The following MCPH1 variants were observed in gnomAD, a reference collection of about 807,000 sequenced individuals.
MCPH1 encodes microcephalin 1.
A neutral mutation model predicts 84.5 loss-of-function variants in MCPH1; 104 were observed. The observed-to-expected ratio is 1.23, with a 90% CI of 1.05 to 1.45. The LOEUF (loss-of-function observed/expected upper bound fraction) is 1.45, where lower values mean the gene tolerates loss of function less well. MCPH1 is among the 40% of genes most tolerant of loss of function. MCPH1 has a pLI of 0.00. For missense variants in MCPH1, 1,498 were observed against 1,005.7 expected (o/e 1.49, Z -6.62); for synonymous variants, 514 against 366.8 (o/e 1.40, Z -4.58).
chr8:6,510,571 C>A (rs2442634), intron 12 of MCPH1, among the ~76,000 whole-genome samples: 1 of 152,018 alleles, frequency 6.6e-6, no homozygotes, highest in African/African-American at 2.4e-5. Flanking sequence ...TTATAACCAC[C>A]TGCAGTGGTG....
At chr8:6,614,598 C>T (rs1175247075) in intron 12 of MCPH1, among the ~76,000 whole-genome samples, 4 of 152,214 alleles carry the variant, frequency 2.6e-5, no homozygotes, top group Non-Finnish European at 5.9e-5. Context: ...GCCTAACGCC[C>T]AATCTGCAGC....
rs141429731 is a variant in MCPH1 at position 6,438,325 on chromosome 8, T to C, written c.437-628T>C. ...AACTACAGTAAGGGTGATTCAGGCTTAAGAGTCCCAAAGGAGAATATATTA... is the reference window on the plus strand; with the variant it reads ...AACTACAGTAAGGGTGATTCAGGCTCAAGAGTCCCAAAGGAGAATATATTA... On this transcript the variant is annotated intron_variant, in intron 5 of 13. Transcript: ENST00000344683. 1.1e-4 allele frequency among the ~76,000 whole-genome samples: 16 copies of C among 152,340 alleles called. No individual in the cohort carries two copies. In the East Asian group the frequency reaches 2.7e-3, roughly 26 times the overall value.
rs34427383 is a variant in MCPH1 at position 6,624,874 on chromosome 8, C to CTT, written c.2452+3198_2452+3199dup. 3.6e-3 allele frequency: 3,085 copies of CTT among 861,424 alleles called. 1 individual carries two copies. The highest frequency in any genetic ancestry group is 5.7e-3 in the African/African-American group (303 of 53,112). The allele number at this position is 861,424 out of a possible 1,614,324, so 53.4% of individuals were successfully genotyped here. A position where few individuals can be genotyped will look rare whatever the true frequency, so the allele number is the denominator to read the frequency against. On this transcript the variant is annotated intron_variant, in intron 13 of 13. Coordinates refer to ENST00000344683, the MANE Select transcript of MCPH1 (RefSeq NM_024596.5). Reference sequence around the variant, plus strand: ...TCTCTAACCAGAAACAAATCATATACTTTTTTTTTTTTTTTTCTGAGATGG... The same window carrying CTT: ...TCTCTAACCAGAAACAAATCATATACTTTTTTTTTTTTTTTTTTCTGAGATGG...
At chr8:6,543,972 AAT>A (rs1456607943) in intron 12 of MCPH1, among the ~76,000 whole-genome samples, 1 of 152,232 alleles carries the variant, frequency 6.6e-6, no homozygotes, top group Non-Finnish European at 1.5e-5. Context: ...TTAAAGTTGC[AAT>A]ATATTTTAAG....
chr8:6,545,564 A>G (rs1240857358), intron 12 of MCPH1, among the ~76,000 whole-genome samples: 1 of 152,234 alleles, frequency 6.6e-6, no homozygotes, highest in Non-Finnish European at 1.5e-5. Flanking sequence ...CATTCCAGCC[A>G]TCTGATGAGG....
intron 12 of MCPH1, among the ~76,000 whole-genome samples, chr8:6,601,715 A>ATG (rs1216815237): frequency 7.3e-6 from 1 of 137,530 alleles, no homozygotes; most frequent in African/African-American, 3.5e-5. Context: ...CACACACCAC[A>ATG]CACACACACC....
chr8:6,600,991 G>T (rs1253031037), intron 12 of MCPH1, among the ~76,000 whole-genome samples: 1 of 152,190 alleles, frequency 6.6e-6, no homozygotes, highest in Non-Finnish European at 1.5e-5. Flanking sequence ...CCATTACGGG[G>T]TCACCAAGGG....
chr8:6,466,152 T>C (rs1376079795), intron 9 of MCPH1, among the ~76,000 whole-genome samples: 5 of 76,076 alleles, frequency 6.6e-5, no homozygotes, highest in Middle Eastern at 0.011. Flanking sequence ...TTTTTTTTTT[T>C]CCTGAGACAG....
chr8:6,478,055 C>G (rs1241617963), intron 10 of MCPH1, among the ~76,000 whole-genome samples: 2 of 152,230 alleles, frequency 1.3e-5, no homozygotes, highest in African/African-American at 2.4e-5. Context: ...CTCTTATCAT[C>G]TCCCTTAAAC....
chr8:6,496,464 C>T (rs991654072), intron 11 of MCPH1, among the ~76,000 whole-genome samples: 2 of 152,128 alleles, frequency 1.3e-5, no homozygotes, highest in Non-Finnish European at 1.5e-5. Flanking sequence ...CTGTTTTACA[C>T]GATGTGGAGT....
chr8:6,437,791 C>G (rs1802890891), intron 5 of MCPH1, among the ~76,000 whole-genome samples: 1 of 152,152 alleles, frequency 6.6e-6, no homozygotes, highest in African/African-American at 2.4e-5. Context: ...CATGGCCCTG[C>G]TTCTGAAATA....
intron 12 of MCPH1, among the ~76,000 whole-genome samples, chr8:6,523,059 G>A (rs1486371202): frequency 6.6e-6 from 1 of 151,822 alleles, no homozygotes; most frequent in Non-Finnish European, 1.5e-5. Context: ...GTGCAAGGGT[G>A]CCATCTTGGC....
Position 6,542,179 on chromosome 8 carries a change from AAAT to A in MCPH1, c.2214+42260_2214+42262del, listed in dbSNP as rs1340565593. Among the ~76,000 whole-genome samples, 12 of 152,138 alleles carry A rather than the reference AAAT, an allele frequency of 7.9e-5. No homozygotes were observed. In the South Asian group the frequency reaches 1.2e-3, roughly 16 times the overall value. On this transcript the variant is annotated intron_variant, in intron 12 of 13. Coordinates refer to ENST00000344683, the MANE Select transcript of MCPH1 (RefSeq NM_024596.5). ...TGAATTTAAGGCACACTGAAAGAAA[AAAT>A]AATAATAATGTAACAAAATGTCTCA...
chr8:6,477,892 A>C (rs767365250), intron 10 of MCPH1, among the ~76,000 whole-genome samples: 45 of 152,220 alleles, frequency 3.0e-4, no homozygotes, highest in Admixed American at 3.3e-4. Context: ...CTTGATACCA[A>C]ATAGCTTCAT....
intron 12 of MCPH1, among the ~76,000 whole-genome samples, chr8:6,582,617 C>T (rs2442586): frequency 0.99 from 150,067 of 152,304 alleles, 73,963 homozygotes; most frequent in Middle Eastern, 1. Flanking sequence ...TTACCTCTCA[C>T]CATGAGAGCG....
chr8:6,551,252 G>T (rs1823602110), intron 12 of MCPH1, among the ~76,000 whole-genome samples: 1 of 152,012 alleles, frequency 6.6e-6, no homozygotes. Context: ...TCTTTCTCAT[G>T]CAGAGACTGT....
intron 9 of MCPH1, among the ~76,000 whole-genome samples, chr8:6,462,555 A>G (rs1212299329): frequency 1.3e-5 from 2 of 152,176 alleles, no homozygotes; most frequent in Non-Finnish European, 2.9e-5. Flanking sequence ...TCTTTCAGTA[A>G]AAGATGGATT....
At chr8:6,618,608 A>T (rs1030064086) in intron 12 of MCPH1, 2 of 152,168 alleles carry the variant, frequency 1.3e-5, no homozygotes, top group African/African-American at 2.4e-5. Flanking sequence ...CACAGTTGTT[A>T]ACTCTGGTAA....
chr8:6,415,045 G>A (rs1178120393), intron 3 of MCPH1, among the ~76,000 whole-genome samples, 162 bp downstream of exon 3: 3 of 151,914 alleles, frequency 2.0e-5, no homozygotes, highest in Non-Finnish European at 2.9e-5. Context: ...CAATTTCTGT[G>A]GTTCAAAAAT....
Sources: allele counts gnomAD v4.1 joint callset (sites outside exome capture counted in the v4.1 genomes callset), GRCh38; gene constraint gnomAD v4.1.1; transcripts MANE v1.5; gene names NCBI Gene and HGNC (gene_info 2026-07-23, HGNC 2026-07-21).